Variants in DGKB observed in about 807,000 individuals in gnomAD.
DGKB encodes the protein diacylglycerol kinase beta.
In DGKB, 67 loss-of-function variants were observed where a neutral mutation model predicts 114.3. The observed-to-expected ratio is 0.59, with a 90% CI of 0.48 to 0.72. DGKB has a LOEUF of 0.72. DGKB is among the 30% of genes least tolerant of loss of function. The probability of loss-of-function intolerance (pLI) is 0.00; values close to 1 mark genes in which losing one functional copy is unlikely to be tolerated. For missense variants in DGKB, 907 were observed against 975.2 expected (o/e 0.93, Z 0.93); for synonymous variants, 398 against 323.1 (o/e 1.23, Z -2.49).
chr7:14,238,126 G>A (rs989582124), intron 23 of DGKB, among the ~76,000 whole-genome samples: 2 of 151,950 alleles, frequency 1.3e-5, no homozygotes, highest in East Asian at 3.9e-4. Context: ...AATGAAAACT[G>A]TTTGATATGG....
At chr7:14,174,049 A>C (rs1233117044) in intron 25 of DGKB, among the ~76,000 whole-genome samples, 5 of 152,206 alleles carry the variant, frequency 3.3e-5, no homozygotes, top group Middle Eastern at 3.2e-3. Context: ...ACATTAATTA[A>C]ATTTCAATAG....
At chr7:14,688,070 C>G (rs1344860032) in intron 9 of DGKB, among the ~76,000 whole-genome samples, 1 of 152,186 alleles carries the variant, frequency 6.6e-6, no homozygotes, top group Non-Finnish European at 1.5e-5. Flanking sequence ...GAGCCAATTA[C>G]TTCTCAGCAG....
intron 23 of DGKB, among the ~76,000 whole-genome samples, chr7:14,328,448 AG>A (rs1461366238): frequency 3.7e-4 from 56 of 152,160 alleles, no homozygotes; most frequent in Admixed American, 3.2e-3. Flanking sequence ...TAAAAAGGGT[AG>A]AAAGTACGTA....
intron 20 of DGKB, among the ~76,000 whole-genome samples, chr7:14,532,068 T>G (rs1241583784): frequency 6.6e-6 from 1 of 151,278 alleles, no homozygotes. Flanking sequence ...CAGAACTATA[T>G]CCATATCGTT....
chr7:14,610,341 T>C (rs7785675), intron 16 of DGKB, among the ~76,000 whole-genome samples: 1 of 151,684 alleles, frequency 6.6e-6, no homozygotes, highest in African/African-American at 2.4e-5. Flanking sequence ...ACACACACAC[T>C]TAAACATGGG....
chr7:14,659,571 T>C (rs1356294103), intron 13 of DGKB, among the ~76,000 whole-genome samples: 11 of 148,390 alleles, frequency 7.4e-5, no homozygotes, highest in Non-Finnish European at 1.6e-4. Context: ...GTGATTTTTG[T>C]ACATTGATTT....
intron 1 of DGKB, among the ~76,000 whole-genome samples, chr7:14,932,642 G>A (rs977685571): frequency 6.6e-6 from 1 of 152,124 alleles, no homozygotes; most frequent in Non-Finnish European, 1.5e-5. Flanking sequence ...ATCATGCTAG[G>A]AATTTCAAAC....
chr7:14,218,730 G>GT (rs1189133399), intron 23 of DGKB, among the ~76,000 whole-genome samples: 19 of 151,380 alleles, frequency 1.3e-4, no homozygotes, highest in Middle Eastern at 3.4e-3. Flanking sequence ...CCGGGACAGA[G>GT]TTTTTTTTTA....
chr7:14,620,134 A>G (rs1183105305), intron 15 of DGKB, among the ~76,000 whole-genome samples: 2 of 151,538 alleles, frequency 1.3e-5, no homozygotes, highest in African/African-American at 4.8e-5. Flanking sequence ...GACAGCTCCT[A>G]TGAAATTTCT....
chr7:14,348,370 C>A lies in DGKB; in HGVS notation c.1836-2979G>T, dbSNP rs1225705101. Among the ~76,000 whole-genome samples, 6 of 151,922 alleles carry A rather than the reference C, an allele frequency of 3.9e-5. No individual in the cohort carries two copies. The Middle Eastern group carries it at 0.01, about 258-fold the overall frequency. On this transcript the variant is annotated intron_variant, in intron 21 of 25. Coordinates refer to ENST00000402815, the MANE Select transcript of DGKB (RefSeq NM_001350709.2). ...AGTACATGGTATGAATGCATCATAG[C>A]AAAGGACTAGTATTTAGAATATATA...
intron 23 of DGKB, among the ~76,000 whole-genome samples, chr7:14,321,161 C>T (rs1335333916): frequency 6.6e-6 from 1 of 152,062 alleles, no homozygotes; most frequent in East Asian, 1.9e-4. Context: ...CATGATGGCA[C>T]ATGCCAGTGG....
chr7:14,277,401 G>A (rs577987184), intron 23 of DGKB, among the ~76,000 whole-genome samples: 2 of 152,040 alleles, frequency 1.3e-5, no homozygotes, highest in East Asian at 1.9e-4. Context: ...TCGAACGCCT[G>A]GCCACAAGCC....
chr7:14,311,660 A>C (rs1185316374), intron 23 of DGKB, among the ~76,000 whole-genome samples: 1 of 152,122 alleles, frequency 6.6e-6, no homozygotes, highest in Non-Finnish European at 1.5e-5. Context: ...TCCCGGGCTC[A>C]AGTGATGTGC....
chr7:14,923,344 A>G (rs187570200), intron 1 of DGKB, among the ~76,000 whole-genome samples: 143 of 152,184 alleles, frequency 9.4e-4, no homozygotes, highest in Middle Eastern at 3.4e-3. Flanking sequence ...TGGAGCTCCA[A>G]TCAGATATCT....
intron 1 of DGKB, among the ~76,000 whole-genome samples, chr7:14,844,805 G>A (rs1183606319): frequency 6.6e-6 from 1 of 152,022 alleles, no homozygotes; most frequent in African/African-American, 2.4e-5. Flanking sequence ...TACCTGCTCT[G>A]AAATTAATTA....
At chr7:14,376,322 A>G (rs1429952574) in intron 21 of DGKB, among the ~76,000 whole-genome samples, 4 of 152,186 alleles carry the variant, frequency 2.6e-5, no homozygotes, top group African/African-American at 9.6e-5. Flanking sequence ...ATATTTCTGA[A>G]AATTCGCCTT....
intron 21 of DGKB, among the ~76,000 whole-genome samples, chr7:14,438,291 C>T (rs938490366): frequency 1.3e-5 from 2 of 152,000 alleles, no homozygotes; most frequent in Non-Finnish European, 2.9e-5. Context: ...CTGATGGAGT[C>T]GAATTAGTAG....
rs1822851549 is a variant in DGKB, at chr7:14,691,469, A to T, written c.711+2606T>A. On this transcript the variant is annotated intron_variant, in intron 9 of 25. Coordinates refer to ENST00000402815, the MANE Select transcript of DGKB (RefSeq NM_001350709.2). ...TTCTCTACAGGTAATAATGTAACAC[A>T]TTAACTGCCTACAGAAAGGAAATAA... Among the ~76,000 whole-genome samples, 3 of 152,228 alleles carry T rather than the reference A, an allele frequency of 2.0e-5. No individual in the cohort carries two copies. In the South Asian group the frequency reaches 6.2e-4, roughly 32 times the overall value.
At chr7:14,830,351 G>C (rs1313979435) in intron 2 of DGKB, among the ~76,000 whole-genome samples, 3 of 144,476 alleles carry the variant, frequency 2.1e-5, no homozygotes, top group African/African-American at 7.8e-5. Flanking sequence ...GCTTTTAAGA[G>C]CCCATTTCTA....
Sources: gnomAD v4.1 joint callset for allele counts (sites outside exome capture counted in the v4.1 genomes callset) on GRCh38, gnomAD v4.1.1 for gene constraint, MANE v1.5 for transcripts, NCBI Gene and HGNC (gene_info 2026-07-23, HGNC 2026-07-21) for gene names.